TDRD5: variants seen among roughly 807,000 people sequenced by gnomAD.
The protein encoded by TDRD5 is tudor domain-containing protein 5.
Under a neutral mutation model 120.6 loss-of-function variants are expected in TDRD5, and 41 were observed. That is an observed-to-expected ratio of 0.34 (90% confidence interval 0.26 to 0.44). The LOEUF (loss-of-function observed/expected upper bound fraction) is 0.44. Among genes scored for constraint, TDRD5 ranks in the 20% least tolerant of loss-of-function variants. The pLI is 1.00. For synonymous variants in TDRD5, 430 were observed against 433.7 expected, an observed-to-expected ratio of 0.99 and a Z score of 0.11; for missense variants, 1,006 against 1,221.2, an observed-to-expected ratio of 0.82 and a Z score of 2.63.
chr1:179,654,471 T>C (rs1024937921), intron 14 of TDRD5, 109 bp downstream of exon 14: 2 of 1,208,720 alleles, frequency 1.7e-6, no homozygotes, highest in Non-Finnish European at 2.2e-6. Flanking sequence ...CTTTTAGTAT[T>C]ACAAATTCTT....
intron 13 of TDRD5, among the ~76,000 whole-genome samples, chr1:179,652,586 A>T (rs1425434925): frequency 6.6e-6 from 1 of 152,210 alleles, no homozygotes; most frequent in Non-Finnish European, 1.5e-5. Flanking sequence ...TCCAGCCCAC[A>T]GTAATAAGAA....
chr1:179,634,331 T>C, intron 7 of TDRD5, 126 bp from the exon 8 acceptor site: 1 of 945,906 alleles, frequency 1.1e-6, no homozygotes, highest in Non-Finnish European at 1.5e-6. Flanking sequence ...TATCATTGTC[T>C]TTCTAGCACC....
At chr1:179,651,812 C>G (rs1558407601) in intron 12 of TDRD5, among the ~76,000 whole-genome samples, 1 of 151,730 alleles carries the variant, frequency 6.6e-6, no homozygotes, top group Non-Finnish European at 1.5e-5. Flanking sequence ...ACTCAGGAGG[C>G]TGAGGCAGGA....
intron 14 of TDRD5, among the ~76,000 whole-genome samples, chr1:179,660,422 G>A (rs978960748): frequency 2.4e-4 from 37 of 151,530 alleles, no homozygotes; most frequent in African/African-American, 6.1e-4. Context: ...GGGTTTCACC[G>A]TGTTATCCAG....
At chr1:179,613,714 A>C (rs911944004) in intron 4 of TDRD5, among the ~76,000 whole-genome samples, 1 of 152,178 alleles carries the variant, frequency 6.6e-6, no homozygotes, top group Non-Finnish European at 1.5e-5. Flanking sequence ...AATCCCATTC[A>C]TGGGGGCCTT....
chr1:179,656,076 C>G (rs1253226658), intron 14 of TDRD5, among the ~76,000 whole-genome samples: 1 of 152,150 alleles, frequency 6.6e-6, no homozygotes, highest in Non-Finnish European at 1.5e-5. Flanking sequence ...ATATGAGTTC[C>G]AGTTGCTCCA....
chr1:179,652,830 C>T (rs1334569737), intron 13 of TDRD5, among the ~76,000 whole-genome samples: 1 of 152,216 alleles, frequency 6.6e-6, no homozygotes, highest in East Asian at 1.9e-4. Context: ...CACCTAACCT[C>T]ATATGACAGG....
intron 4 of TDRD5, among the ~76,000 whole-genome samples, chr1:179,602,273 T>C (rs1675756491): frequency 6.6e-6 from 1 of 152,240 alleles, no homozygotes; most frequent in South Asian, 2.1e-4. Context: ...TAGTATCTCA[T>C]TGTGGTTTTG....
chr1:179,670,505 C>T (rs1679808066), intron 17 of TDRD5, among the ~76,000 whole-genome samples: 2 of 152,158 alleles, frequency 1.3e-5, no homozygotes, highest in African/African-American at 4.8e-5. Flanking sequence ...AAAGTGATTG[C>T]ACCAATTTGC....
chr1:179,688,611 G>T, intron 17 of TDRD5, among the ~76,000 whole-genome samples: 2 of 152,182 alleles, frequency 1.3e-5, no homozygotes, highest in African/African-American at 4.8e-5. Flanking sequence ...GGTTGGGGAA[G>T]TTCTCCTGGA....
In TDRD5 at chr1:179,636,943, G is replaced by A. The variant is rs373912856; in HGVS notation, c.1520+1056G>A. 1.7e-4 allele frequency among the ~76,000 whole-genome samples: 26 copies of A among 152,248 alleles called. No homozygotes were observed. The East Asian group carries it at 2.7e-3, about 16-fold the overall frequency. ...CTGATATGAAAGAAATGGCTAGTTC[G>A]TCTTCCAGGTAAAAATCATGTTTGT... On this transcript the variant is annotated intron_variant, in intron 9 of 17. Transcript: ENST00000444136.
At chr1:179,658,611 C>A (rs1679126325) in intron 14 of TDRD5, among the ~76,000 whole-genome samples, 2 of 152,084 alleles carry the variant, frequency 1.3e-5, no homozygotes, top group Non-Finnish European at 2.9e-5. Context: ...TTGTTATCTG[C>A]AGGGTCTGCA....
At chr1:179,591,751 A>G (rs1000810600), upstream of TDRD5, 1 of 152,354 alleles carries the variant, frequency 6.6e-6, no homozygotes, top group Non-Finnish European at 1.5e-5. Context: ...ATCCTGCCCA[A>G]CCGTCCCACC....
At chr1:179,670,579 C>T (rs539540396) in intron 17 of TDRD5, among the ~76,000 whole-genome samples, 39 of 152,150 alleles carry the variant, frequency 2.6e-4, no homozygotes, top group African/African-American at 6.3e-4. Flanking sequence ...ATGTTATTGT[C>T]GATCTTTTTA....
intron 14 of TDRD5, among the ~76,000 whole-genome samples, chr1:179,655,706 T>C (rs1678970944): frequency 6.6e-6 from 1 of 152,206 alleles, no homozygotes; most frequent in African/African-American, 2.4e-5. Context: ...AATCATATAG[T>C]ATGTAACCTT....
At chr1:179,649,654 A>G (rs1028827025) in intron 11 of TDRD5, among the ~76,000 whole-genome samples, 12 of 152,200 alleles carry the variant, frequency 7.9e-5, no homozygotes, top group African/African-American at 2.7e-4. Flanking sequence ...GGCTTTAAGC[A>G]TAGTAAGTTT....
rs751799156 is a variant in TDRD5 at position 179,663,461 on chromosome 1, A to G, written c.2619A>G (p.Glu873=). Reference sequence around the variant, plus strand: ...AGCCAGAAGTACTGGGTGCTCAGGAAAAAAATACTGGCACAAACAGGACTC... The same window carrying G: ...AGCCAGAAGTACTGGGTGCTCAGGAGAAAAATACTGGCACAAACAGGACTC... ...VHKPEVLGAQ[E]KNTGTNRTQK... The change falls in exon 16 of 18, where the codon GAA becomes GAG. Residue 873 remains glutamate (E), a synonymous_variant. Coordinates refer to ENST00000444136, the MANE Select transcript of TDRD5 (RefSeq NM_001199085.3). The G allele has an allele frequency of 2.7e-5, 43 of 1,613,316 alleles. No individual in the cohort carries two copies. Among genetic ancestry groups the G allele is most frequent in the Non-Finnish European group, 2.5e-5 (30 of 1,179,810 alleles).
chr1:179,655,513 ATG>A (rs1678956064), intron 14 of TDRD5, among the ~76,000 whole-genome samples: 1 of 152,176 alleles, frequency 6.6e-6, no homozygotes. Flanking sequence ...ACTTTAATAA[ATG>A]TGTAGATTTG....
At chr1:179,601,018 A>C (rs946360386) in intron 4 of TDRD5, among the ~76,000 whole-genome samples, 2 of 152,234 alleles carry the variant, frequency 1.3e-5, no homozygotes, top group Non-Finnish European at 2.9e-5. Context: ...CATATGGCTC[A>C]GAATATGTTT....
Sources: gnomAD v4.1 joint callset for allele counts (sites outside exome capture counted in the v4.1 genomes callset) on GRCh38, gnomAD v4.1.1 for gene constraint, MANE v1.5 for transcripts, NCBI Gene and HGNC (gene_info 2026-07-23, HGNC 2026-07-21) for gene names.